KLF12: variants seen among roughly 807,000 people sequenced by gnomAD.
KLF12 encodes KLF transcription factor 12, also known as Krueppel-like factor 12.
KLF12 carries 9 observed loss-of-function variants against 37.8 expected under a neutral mutation model. That is an observed-to-expected ratio of 0.24 (90% confidence interval 0.14 to 0.42). The LOEUF is 0.42. Ranked by LOEUF, KLF12 falls within the 10% of genes least tolerant of loss-of-function variation. KLF12 has a pLI of 1.00. For synonymous variants in KLF12, 208 were observed against 202.1 expected, an observed-to-expected ratio of 1.03 and a Z score of -0.25; for missense variants, 411 against 516.0, an observed-to-expected ratio of 0.80 and a Z score of 1.97.
chr13:73,849,546 A>T (rs1885215154), intron 3 of KLF12, among the ~76,000 whole-genome samples: 2 of 152,082 alleles, frequency 1.3e-5, no homozygotes, highest in Non-Finnish European at 1.5e-5. Context: ...GTGAAAATTA[A>T]ATGAAAGGAT....
chr13:73,793,341 C>A (rs923145389), intron 5 of KLF12, among the ~76,000 whole-genome samples: 2 of 152,160 alleles, frequency 1.3e-5, no homozygotes, highest in African/African-American at 4.8e-5. Context: ...GTAGGAAACT[C>A]TTTTATATGT....
intron 2 of KLF12, among the ~76,000 whole-genome samples, chr13:73,977,668 A>T (rs1414253310): frequency 6.6e-6 from 1 of 152,244 alleles, no homozygotes; most frequent in African/African-American, 2.4e-5. Flanking sequence ...AGTTAATATA[A>T]TATTGAAGAA....
chr13:74,245,461 C>A, the KLF12 span, among the ~76,000 whole-genome samples: 1 of 151,834 alleles, frequency 6.6e-6, no homozygotes, highest in East Asian at 1.9e-4. Flanking sequence ...AAAAATGAGA[C>A]AGGTTTTAAA....
intron 3 of KLF12, among the ~76,000 whole-genome samples, chr13:73,919,658 C>T (rs1889020167): frequency 6.6e-6 from 1 of 152,158 alleles, no homozygotes; most frequent in Admixed American, 6.5e-5. Flanking sequence ...CCAACTATAT[C>T]ATTAACATTG....
At chr13:74,204,395 AT>A in the KLF12 span, among the ~76,000 whole-genome samples, 3 of 152,192 alleles carry the variant, frequency 2.0e-5, no homozygotes, top group East Asian at 5.8e-4. Flanking sequence ...CATCACCCCA[AT>A]AATATACATT....
chr13:74,204,914 G>A, the KLF12 span, among the ~76,000 whole-genome samples: 27 of 152,254 alleles, frequency 1.8e-4, no homozygotes, highest in East Asian at 1.9e-3. Context: ...CAGATCTCAA[G>A]ACTTTTGAGT....
intron 1 of KLF12, among the ~76,000 whole-genome samples, chr13:74,055,301 T>C (rs961556916): frequency 1.1e-4 from 17 of 152,236 alleles, no homozygotes; most frequent in African/African-American, 4.1e-4. Context: ...TACATGTCTT[T>C]AAAAGGCAAA....
the KLF12 span, among the ~76,000 whole-genome samples, chr13:74,209,138 C>T: frequency 1.3e-5 from 2 of 151,760 alleles, no homozygotes; most frequent in South Asian, 2.1e-4. Context: ...ATATTAAAAA[C>T]GTGTTCCATA....
At chr13:74,073,851 T>A (rs2138718699) in intron 1 of KLF12, among the ~76,000 whole-genome samples, 1 of 152,348 alleles carries the variant, frequency 6.6e-6, no homozygotes, top group Admixed American at 6.5e-5. Flanking sequence ...ATGTCTCTAG[T>A]TATCATTATG....
At chr13:74,110,827 A>G (rs1422107174) in intron 1 of KLF12, among the ~76,000 whole-genome samples, 4 of 152,154 alleles carry the variant, frequency 2.6e-5, no homozygotes, top group African/African-American at 7.2e-5. Flanking sequence ...TGCAAATAGG[A>G]TATGAGTACT....
chr13:73,996,672 A>T (rs1391397190), intron 1 of KLF12, among the ~76,000 whole-genome samples: 4 of 152,144 alleles, frequency 2.6e-5, no homozygotes, highest in Admixed American at 1.3e-4. Flanking sequence ...CTTCCGTGTA[A>T]ATCTGGTGTG....
At chr13:73,899,299 T>C (rs7325680) in intron 3 of KLF12, among the ~76,000 whole-genome samples, 75,112 of 152,062 alleles carry the variant, frequency 0.49, 18,971 homozygotes, top group Non-Finnish European at 0.56. Flanking sequence ...CTATGAAGTG[T>C]ATCTCATTGC....
intron 3 of KLF12, among the ~76,000 whole-genome samples, chr13:73,938,358 A>C (rs1483148587): frequency 7.2e-5 from 11 of 152,188 alleles, no homozygotes; most frequent in Non-Finnish European, 1.3e-4. Context: ...TCCTGCGTTA[A>C]GTAAACATTC....
chr13:74,196,841 A>G, the KLF12 span, among the ~76,000 whole-genome samples: 1 of 152,182 alleles, frequency 6.6e-6, no homozygotes, highest in South Asian at 2.1e-4. Flanking sequence ...TGTAGGATAT[A>G]TAGTAATATT....
At chr13:74,112,416 G>GTGTT (rs779090831) in intron 1 of KLF12, among the ~76,000 whole-genome samples, 1 of 151,606 alleles carries the variant, frequency 6.6e-6, no homozygotes, top group Non-Finnish European at 1.5e-5. Flanking sequence ...GTGTGTGTGT[G>GTGTT]TGTTTTGTTT....
chr13:73,768,541 T>C (rs534237375), intron 5 of KLF12, among the ~76,000 whole-genome samples: 3 of 93,290 alleles, frequency 3.2e-5, no homozygotes, highest in African/African-American at 1.2e-4. Flanking sequence ...TATGGCTTAC[T>C]CTCAGGCAGC....
At chr13:73,760,447 G>GCTA (rs1475403236) in intron 6 of KLF12, among the ~76,000 whole-genome samples, 2 of 151,978 alleles carry the variant, frequency 1.3e-5, no homozygotes. Flanking sequence ...CTCCTGAGTA[G>GCTA]CTAGGACTAC....
At chr13:74,028,850 G>A (rs377204107) in intron 1 of KLF12, among the ~76,000 whole-genome samples, 1 of 151,214 alleles carries the variant, frequency 6.6e-6, no homozygotes, top group African/African-American at 2.4e-5. Context: ...TTTTTTTAAA[G>A]GGGCATACCT....
At chr13:73,844,502 C>G (rs886332815) in intron 4 of KLF12, among the ~76,000 whole-genome samples, 1 of 152,178 alleles carries the variant, frequency 6.6e-6, no homozygotes, top group Non-Finnish European at 1.5e-5. Context: ...GTCTGCATCT[C>G]AAGTTTGCAG....
Sources: allele counts gnomAD v4.1 joint callset (sites outside exome capture counted in the v4.1 genomes callset), GRCh38; gene constraint gnomAD v4.1.1; transcripts MANE v1.5; gene names NCBI Gene and HGNC (gene_info 2026-07-23, HGNC 2026-07-21).